The following TMOD1 variants were observed in gnomAD, a reference collection of about 807,000 sequenced individuals.
The protein encoded by TMOD1 is tropomodulin-1.
Under a neutral mutation model 40.6 loss-of-function variants are expected in TMOD1, and 17 were observed. The ratio of observed to expected loss-of-function variants is 0.42; its 90% CI spans 0.29 to 0.63. TMOD1 has a LOEUF of 0.63. Ranked by LOEUF, TMOD1 falls within the 20% of genes least tolerant of loss-of-function variation. The pLI, the probability that TMOD1 is intolerant of heterozygous loss-of-function variation, is 0.22. For synonymous variants in TMOD1, 181 were observed against 175.0 expected, an observed-to-expected ratio of 1.03 and a Z score of -0.27; for missense variants, 391 against 447.6, an observed-to-expected ratio of 0.87 and a Z score of 1.14.
intron 8 of TMOD1, among the ~76,000 whole-genome samples, chr9:97,586,549 G>C (rs1410528974): frequency 2.0e-5 from 3 of 151,390 alleles, no homozygotes; most frequent in East Asian, 1.9e-4. Flanking sequence ...CGAGCTTCCC[G>C]GCTGCTTTGT....
intron 8 of TMOD1, among the ~76,000 whole-genome samples, chr9:97,579,903 A>G (rs1825706483): frequency 6.6e-6 from 1 of 152,210 alleles, no homozygotes; most frequent in South Asian, 2.1e-4. Context: ...ATATTAAGGC[A>G]ATAGGGATAT....
chr9:97,528,915 T>C (rs1027662231), intron 2 of TMOD1, among the ~76,000 whole-genome samples: 7 of 152,276 alleles, frequency 4.6e-5, no homozygotes, highest in Non-Finnish European at 8.8e-5. Flanking sequence ...GCAGGTGCTG[T>C]TCTAAGGAAT....
At chr9:97,538,508 C>A (rs1316744767) in intron 2 of TMOD1, among the ~76,000 whole-genome samples, 2 of 151,722 alleles carry the variant, frequency 1.3e-5, no homozygotes, top group Non-Finnish European at 2.9e-5. Context: ...TTATCCTGTG[C>A]ACATTTTAAG....
intron 1 of TMOD1, chr9:97,517,637 A>G (rs1420611410): frequency 6.6e-6 from 1 of 152,614 alleles, no homozygotes; most frequent in Non-Finnish European, 1.5e-5. Flanking sequence ...TATCACAGGT[A>G]GCAGGCCCCA....
At chr9:97,533,409 A>G (rs144134104) in intron 2 of TMOD1, among the ~76,000 whole-genome samples, 16 of 152,360 alleles carry the variant, frequency 1.1e-4, no homozygotes, top group Admixed American at 6.5e-4. Context: ...ACCATACTGT[A>G]TGGCCACAGA....
intron 4 of TMOD1, among the ~76,000 whole-genome samples, chr9:97,562,198 C>T (rs1169990295): frequency 6.6e-6 from 1 of 152,110 alleles, no homozygotes; most frequent in Non-Finnish European, 1.5e-5. Flanking sequence ...CTTTGTGCTG[C>T]ATGCTGGGAG....
At chr9:97,540,623 A>G (rs910607631) in intron 2 of TMOD1, among the ~76,000 whole-genome samples, 2 of 152,158 alleles carry the variant, frequency 1.3e-5, no homozygotes, top group Non-Finnish European at 2.9e-5. Flanking sequence ...CATATATTGT[A>G]TGGAATTGTA....
intron 8 of TMOD1, among the ~76,000 whole-genome samples, chr9:97,574,088 G>A (rs940890047): frequency 4.8e-4 from 73 of 152,274 alleles, no homozygotes; most frequent in Middle Eastern, 3.4e-3. Context: ...CGCTCTCGGC[G>A]CCTCCTCAGC....
chr9:97,562,597 T>C, intron 4 of TMOD1, 135 bp from the exon 5 acceptor site: 1 of 612,546 alleles, frequency 1.6e-6, no homozygotes, highest in Non-Finnish European at 2.8e-6. Flanking sequence ...AAAAGTAAAA[T>C]AAAATTTTGA....
chr9:97,576,412 C>T (rs1830939566), intron 8 of TMOD1, among the ~76,000 whole-genome samples: 1 of 152,140 alleles, frequency 6.6e-6, no homozygotes, highest in Non-Finnish European at 1.5e-5. Context: ...CTGCTTTGTG[C>T]TGCTGCACTC....
In TMOD1 at chr9:97,600,304, T is replaced by C. The variant is rs1047527906; in HGVS notation, c.*606T>C. The C allele has an allele frequency of 3.0e-6, 3 of 986,150 alleles. No individual in the cohort carries two copies. Among genetic ancestry groups the C allele is most frequent in the Non-Finnish European group, 2.4e-6 (2 of 830,192 alleles). The allele number at this position is 986,150 out of a possible 1,614,324, so 61.1% of individuals were successfully genotyped here. A position where few individuals can be genotyped will look rare whatever the true frequency, so the allele number is the denominator to read the frequency against. ...TCAACATGAGATTCCTTTTGCTGGA[T>C]ATGCAGAAATGATAGGAAAAAAACC... On this transcript the variant is annotated 3_prime_UTR_variant, in exon 10 of 10. Transcript: ENST00000259365.
intron 8 of TMOD1, among the ~76,000 whole-genome samples, chr9:97,581,752 T>C (rs1212290642): frequency 2.0e-5 from 3 of 152,038 alleles, no homozygotes. Flanking sequence ...CCAGTGATGA[T>C]GAGCATTTTT....
chr9:97,587,560 ATTGT>A (rs200291017), intron 8 of TMOD1, among the ~76,000 whole-genome samples: 7 of 123,680 alleles, frequency 5.7e-5, no homozygotes, highest in South Asian at 2.5e-4. Flanking sequence ...CCGTTTTCTA[ATTGT>A]TTGTTTTTTT....
At chr9:97,586,045 T>C (rs1825864547) in intron 8 of TMOD1, among the ~76,000 whole-genome samples, 2 of 151,974 alleles carry the variant, frequency 1.3e-5, no homozygotes, top group Admixed American at 6.6e-5. Context: ...CCGTTGCTGG[T>C]GAGGAACTGC....
chr9:97,600,444 A>C lies in TMOD1; in HGVS notation c.*746A>C. 5.1e-6 allele frequency: 5 copies of C among 985,658 alleles called. No homozygotes were observed. Among genetic ancestry groups the C allele is most frequent in the Non-Finnish European group, 6.0e-6 (5 of 830,094 alleles). 61.1% of individuals were successfully genotyped at this position (985,658 alleles called of 1,614,324 possible). ...GGATTTATGTACAATTTAATACTGG[A>C]GTTAGAACTTTTTCCTTATTGAATG... On this transcript the variant is annotated 3_prime_UTR_variant, in exon 10 of 10. Coordinates refer to ENST00000259365, the MANE Select transcript of TMOD1 (RefSeq NM_003275.4).
At chr9:97,544,747 A>G (rs1391021333) in intron 2 of TMOD1, among the ~76,000 whole-genome samples, 1 of 151,868 alleles carries the variant, frequency 6.6e-6, no homozygotes, top group African/African-American at 2.4e-5. Flanking sequence ...GGGGCTGGGA[A>G]CGGTAATCCC....
chr9:97,519,491 C>T lies in TMOD1; in HGVS notation c.-48-4650C>T, dbSNP rs916552306. On this transcript the variant is annotated intron_variant, in intron 1 of 9. Transcript: ENST00000259365. ...TCTCACCAACTCTTGCTCAGGGTCACCAGGAGCTGCTGCAGGTGGGCCATG... is the reference window on the plus strand; with the variant it reads ...TCTCACCAACTCTTGCTCAGGGTCATCAGGAGCTGCTGCAGGTGGGCCATG... Among the ~76,000 whole-genome samples the T allele has an allele frequency of 3.3e-5, 5 of 152,208 alleles. No homozygotes were observed. In the South Asian group the frequency reaches 6.2e-4, roughly 19 times the overall value.
chr9:97,532,746 A>C (rs1306561176), intron 2 of TMOD1, among the ~76,000 whole-genome samples: 1 of 152,158 alleles, frequency 6.6e-6, no homozygotes, highest in East Asian at 1.9e-4. Context: ...TATCCACAAC[A>C]TCATGTAAGT....
At chr9:97,561,269 C>G (rs369076674) in intron 4 of TMOD1, among the ~76,000 whole-genome samples, 6 of 152,240 alleles carry the variant, frequency 3.9e-5, no homozygotes, top group Non-Finnish European at 8.8e-5. Flanking sequence ...ACCCGAACTC[C>G]TTACTCAGCC....
Sources: allele counts gnomAD v4.1 joint callset (sites outside exome capture counted in the v4.1 genomes callset), GRCh38; gene constraint gnomAD v4.1.1; transcripts MANE v1.5; gene names NCBI Gene and HGNC (gene_info 2026-07-23, HGNC 2026-07-21).